The following PHLPP1 variants were observed in gnomAD, a reference collection of about 807,000 sequenced individuals.
PHLPP1 encodes the protein PH domain and leucine rich repeat protein phosphatase 1.
PHLPP1 carries 42 observed loss-of-function variants against 117.2 expected under a neutral mutation model. The observed-to-expected ratio is 0.36, with a 90% CI of 0.28 to 0.46. The LOEUF (loss-of-function observed/expected upper bound fraction) is 0.46, where lower values mean the gene tolerates loss of function less well. PHLPP1 is among the 20% of genes least tolerant of loss of function. The pLI, the probability that PHLPP1 is intolerant of heterozygous loss-of-function variation, is 1.00. For missense variants in PHLPP1, 2,084 were observed against 2,241.9 expected (o/e 0.93, Z 1.42); for synonymous variants, 1,042 against 970.7 (o/e 1.07, Z -1.37).
intron 16 of PHLPP1, 94 bp downstream of exon 16, chr18:62,975,719 A>C: frequency 1.3e-6 from 1 of 786,960 alleles, no homozygotes; most frequent in Non-Finnish European, 2.2e-6. Flanking sequence ...TTGCCTTCAA[A>C]GAACACTTTT....
chr18:62,975,566 A>G lies in PHLPP1; in HGVS notation c.3925A>G (p.Ile1309Val), dbSNP rs753924238. ...GCCGCTGCCTCTGTCCAGATCTTAC[A>G]TCATGAGCTGTGAAGAAGAGCTGAA... Reference protein sequence around the residue: ...GKPLPLSRSYIMSCEEELKRI... With the variant: ...GKPLPLSRSYVMSCEEELKRI... The change falls in exon 16 of 17, where the codon ATC becomes GTC. Residue 1309 changes from isoleucine to valine, a missense_variant. By Grantham distance (29) the Ile-to-Val change is conservative. Transcript: ENST00000262719. 7 of 1,614,012 alleles carry G rather than the reference A, an allele frequency of 4.3e-6. No individual in the cohort carries two copies. Among genetic ancestry groups the G allele is most frequent in the South Asian group, 1.1e-5 (1 of 91,086 alleles).
At position 62,901,628 on chromosome 18, in the gene PHLPP1, C is replaced by CTT. The variant is rs543110023; in HGVS notation, c.2445-1324_2445-1323dup. ...AGACTTATATTAATACTCCTTTTTT[C>CTT]TTTTTTTTTTTTTGAGATGGAGTCT... is the stretch of plus-strand genomic sequence containing the variant. On this transcript the variant is annotated intron_variant, in intron 6 of 16. Coordinates refer to ENST00000262719, the MANE Select transcript of PHLPP1 (RefSeq NM_194449.4). 4.0e-3 allele frequency among the ~76,000 whole-genome samples: 568 copies of CTT among 142,778 alleles called. 4 individuals carry two copies. The highest frequency in any genetic ancestry group is 0.011 in the African/African-American group (430 of 38,590). 93.7% of individuals were successfully genotyped at this position (142,778 alleles called of 152,430 possible). A position where few individuals can be genotyped will look rare whatever the true frequency, so the allele number is the denominator to read the frequency against.
intron 1 of PHLPP1, among the ~76,000 whole-genome samples, chr18:62,772,237 G>T (rs1912806296): frequency 6.6e-6 from 1 of 151,976 alleles, no homozygotes; most frequent in African/African-American, 2.4e-5. Context: ...TAATGTTGTG[G>T]GTAATGCAAT....
intron 16 of PHLPP1, 73 bp downstream of exon 16, chr18:62,975,698 C>T (rs891104276): frequency 4.1e-6 from 4 of 967,966 alleles, no homozygotes; most frequent in South Asian, 1.4e-5. Context: ...CAGAAACTAG[C>T]TAGGGAGCAT....
intron 10 of PHLPP1, among the ~76,000 whole-genome samples, chr18:62,928,231 T>C (rs1427254091): frequency 6.6e-6 from 1 of 152,130 alleles, no homozygotes; most frequent in Non-Finnish European, 1.5e-5. Context: ...ACTTGTGTGC[T>C]TCAAAGGATA....
intron 1 of PHLPP1, among the ~76,000 whole-genome samples, chr18:62,755,065 T>C (rs1911970219): frequency 1.3e-5 from 2 of 152,264 alleles, no homozygotes; most frequent in South Asian, 4.1e-4. Flanking sequence ...GTTAGCCAGC[T>C]AGACAACAGC....
At chr18:62,727,079 T>C (rs986308467) in intron 1 of PHLPP1, among the ~76,000 whole-genome samples, 1 of 151,016 alleles carries the variant, frequency 6.6e-6, no homozygotes, top group Non-Finnish European at 1.5e-5. Context: ...AATACAAAAA[T>C]TAGCTGGGCA....
At chr18:62,737,681 G>T (rs1911409555) in intron 1 of PHLPP1, among the ~76,000 whole-genome samples, 1 of 152,138 alleles carries the variant, frequency 6.6e-6, no homozygotes, top group Non-Finnish European at 1.5e-5. Context: ...TTCCAAAAAG[G>T]GAGGTAATCA....
At position 62,783,151 on chromosome 18, in the gene PHLPP1, A is replaced by T. The variant is rs551772157; in HGVS notation, c.1577-46884A>T. Among the ~76,000 whole-genome samples, 84 of 136,360 alleles carry T rather than the reference A, an allele frequency of 6.2e-4. 1 individual carries two copies. Among genetic ancestry groups the T allele is most frequent in the South Asian group, 2.4e-3 (10 of 4,090 alleles). 89.5% of individuals were successfully genotyped at this position (136,360 alleles called of 152,430 possible). A position where few individuals can be genotyped will look rare whatever the true frequency, so the allele number is the denominator to read the frequency against. ...TAAAAGTATTTGTTTTCAGAGTTTT[A>T]AAAAAAAAAAAAAAAGATGAGTCAC... is the stretch of plus-strand genomic sequence containing the variant. On this transcript the variant is annotated intron_variant, in intron 1 of 16. Coordinates refer to ENST00000262719, the MANE Select transcript of PHLPP1 (RefSeq NM_194449.4).
At chr18:62,818,968 A>G (rs1029141770) in intron 1 of PHLPP1, among the ~76,000 whole-genome samples, 2 of 152,256 alleles carry the variant, frequency 1.3e-5, no homozygotes, top group Non-Finnish European at 1.5e-5. Context: ...GTAATATACC[A>G]TTATATAGTA....
In PHLPP1 at chr18:62,978,435, G is replaced by C. The variant is rs1428266657; in HGVS notation, c.4158G>C (p.Val1386=). The C allele has an allele frequency of 1.2e-6, 2 of 1,611,786 alleles. No homozygotes were observed. The highest frequency in any genetic ancestry group is 4.5e-5 in the East Asian group (2 of 44,804). The part of the protein sequence containing the change: ...LWDSLSVEEA[V]EAVRNVPDAL... Reference sequence around the variant, plus strand: ...ACAGCCTGTCCGTCGAGGAGGCCGTGGAAGCCGTGCGCAACGTGCCCGATG... The same window carrying C: ...ACAGCCTGTCCGTCGAGGAGGCCGTCGAAGCCGTGCGCAACGTGCCCGATG... The change falls in exon 17 of 17, where the codon GTG becomes GTC. Residue 1386 remains valine (V), a synonymous_variant. Transcript: ENST00000262719. This position sits in a 1 kb window ranked among gnomAD's most constrained non-coding sequence, Gnocchi z 7.0.
Position 62,905,285 on chromosome 18 carries a change from G to T in PHLPP1, c.2708+1G>T. 1 of 1,486,792 alleles carries T rather than the reference G, an allele frequency of 6.7e-7. No individual in the cohort carries two copies. The highest frequency in any genetic ancestry group is 9.0e-7 in the Non-Finnish European group (1 of 1,111,812). The allele number at this position is 1,486,792 out of a possible 1,614,324, so 92.1% of individuals were successfully genotyped here. A position where few individuals can be genotyped will look rare whatever the true frequency, so the allele number is the denominator to read the frequency against. ...ATCTGTCCTACATGGATGTTTCAAG[G>T]TAAGAAGTCAAGTCTTAGAGCCCTC... On this transcript the variant is annotated splice_donor_variant, in intron 8 of 16. Transcript: ENST00000262719. LOFTEE classifies it high-confidence loss of function.
intron 10 of PHLPP1, among the ~76,000 whole-genome samples, chr18:62,924,814 G>A (rs1401303339): frequency 6.7e-6 from 1 of 149,900 alleles, no homozygotes; most frequent in Admixed American, 6.7e-5. Flanking sequence ...ACTCCAGCCT[G>A]GGTTACAGAG....
chr18:62,837,243 A>G (rs909169433), intron 2 of PHLPP1, among the ~76,000 whole-genome samples: 4 of 152,136 alleles, frequency 2.6e-5, no homozygotes, highest in African/African-American at 9.7e-5. Flanking sequence ...CTGTCCCTCT[A>G]GGTCTCCCGA....
intron 4 of PHLPP1, among the ~76,000 whole-genome samples, chr18:62,894,431 A>C (rs1250968729): frequency 6.6e-6 from 1 of 152,174 alleles, no homozygotes; most frequent in Non-Finnish European, 1.5e-5. Flanking sequence ...TTCTGGCCTC[A>C]AGTGATCCAC....
rs1370903721 is a variant in PHLPP1, at chr18:62,830,047, G to A, written c.1589G>A (p.Ser530Asn). ...CTGTTTATTTCAGGAAAACCTCACA[G>A]CACGGGTAGCTCTGAACGGATTCAG... ...LIRFYAGKPH[S>N]TGSSERIQLS... Residue 530 changes from serine to asparagine, a missense_variant, in exon 2 of 17, where the codon AGC becomes AAC. Ser to Asn is a conservative substitution (Grantham distance 46, BLOSUM62 1). Transcript: ENST00000262719. 2 of 1,606,604 alleles carry A rather than the reference G, an allele frequency of 1.2e-6. No individual in the cohort carries two copies. Among genetic ancestry groups the A allele is most frequent in the Non-Finnish European group, 1.7e-6 (2 of 1,175,462 alleles).
At chr18:62,775,687 A>G (rs1912931672) in intron 1 of PHLPP1, among the ~76,000 whole-genome samples, 1 of 152,212 alleles carries the variant, frequency 6.6e-6, no homozygotes, top group Admixed American at 6.5e-5. Flanking sequence ...ACTTTTAGCT[A>G]TAATTTATTG....
chr18:62,943,129 A>G (rs188453525), intron 11 of PHLPP1, among the ~76,000 whole-genome samples: 10 of 152,308 alleles, frequency 6.6e-5, no homozygotes, highest in Admixed American at 6.5e-4. Context: ...TTCTGAGGAT[A>G]TACCCCCAGT....
rs578008669 is a variant in PHLPP1, at chr18:62,867,968, C to T, written c.2066+7367C>T. Among the ~76,000 whole-genome samples the T allele has an allele frequency of 5.9e-5, 9 of 152,116 alleles. No individual in the cohort carries two copies. The East Asian group carries it at 1.2e-3, about 20-fold the overall frequency. On this transcript the variant is annotated intron_variant, in intron 4 of 16. Coordinates refer to ENST00000262719, the MANE Select transcript of PHLPP1 (RefSeq NM_194449.4). ...CTGGGATTACAGGCGCCCACCACCA[C>T]GCCCGGCTAATTTTTCTATTTTTAG...
Sources: allele counts gnomAD v4.1 joint callset (sites outside exome capture counted in the v4.1 genomes callset), GRCh38; gene constraint gnomAD v4.1.1; non-coding constraint Gnocchi (gnomAD v3.1); transcripts MANE v1.5; gene names NCBI Gene and HGNC (gene_info 2026-07-23, HGNC 2026-07-21).